Variants in SLC7A6 observed in about 807,000 individuals in gnomAD.
The protein encoded by SLC7A6 is solute carrier family 7 member 6, also known as Y+L amino acid transporter 2.
In SLC7A6, 29 loss-of-function variants were observed where a neutral mutation model predicts 46.6. That is an observed-to-expected ratio of 0.62 (90% CI 0.46 to 0.85). The LOEUF (loss-of-function observed/expected upper bound fraction) is 0.85. Among genes scored for constraint, SLC7A6 ranks in the 40% least tolerant of loss-of-function variants. The pLI, the probability that SLC7A6 is intolerant of heterozygous loss-of-function variation, is 0.00. For missense variants in SLC7A6, 527 were observed against 647.6 expected (o/e 0.81, Z 2.02); for synonymous variants, 276 against 257.3 (o/e 1.07, Z -0.70).
intron 3 of SLC7A6, among the ~76,000 whole-genome samples, chr16:68,285,835 C>T (rs1434711056): frequency 6.6e-6 from 1 of 152,036 alleles, no homozygotes; most frequent in East Asian, 1.9e-4. Context: ...TGGCTCATGC[C>T]TGTAATCCTA....
intron 2 of SLC7A6, among the ~76,000 whole-genome samples, chr16:68,269,457 A>G (rs1234239510): frequency 6.6e-6 from 1 of 152,156 alleles, no homozygotes; most frequent in Non-Finnish European, 1.5e-5. Flanking sequence ...GTCAGGAGAC[A>G]GTAGTGTTTG....
chr16:68,296,918 T>C, intron 10 of SLC7A6, 108 bp downstream of exon 10: 2 of 1,180,552 alleles, frequency 1.7e-6, no homozygotes, highest in Non-Finnish European at 2.4e-6. Context: ...CTGGAGGCCA[T>C]GTGACCCAGC....
intron 3 of SLC7A6, 143 bp from the exon 4 acceptor site, chr16:68,287,603 T>C: frequency 1.3e-6 from 2 of 1,507,966 alleles, no homozygotes; most frequent in Non-Finnish European, 8.9e-7. Context: ...GTCCCCTCGC[T>C]TGCCAGTTCG....
At position 68,299,973 on chromosome 16, in the gene SLC7A6, TGAA is replaced by T. The variant is rs2043240612; in HGVS notation, c.*2647_*2649del. 6.6e-6 allele frequency: 1 copy of T among 152,130 alleles called. No homozygotes were observed. Among genetic ancestry groups the T allele is most frequent in the African/African-American group, 2.4e-5 (1 of 41,404 alleles). The allele number at this position is 152,130 out of a possible 1,614,324, so 9.4% of individuals were successfully genotyped here. A position where few individuals can be genotyped will look rare whatever the true frequency, so the allele number is the denominator to read the frequency against. Reference sequence around the variant, plus strand: ...AGTCAAAGAATGATGGCAGGTAGGATGAAGGAGAGATACTTAGGAAATCCTAAA... The same window carrying T: ...AGTCAAAGAATGATGGCAGGTAGGATGGAGAGATACTTAGGAAATCCTAAA... On this transcript the variant is annotated 3_prime_UTR_variant, in exon 11 of 11. Coordinates refer to ENST00000219343, the MANE Select transcript of SLC7A6 (RefSeq NM_003983.6).
At chr16:68,277,094 C>T (rs1388393920) in intron 3 of SLC7A6, among the ~76,000 whole-genome samples, 1 of 148,044 alleles carries the variant, frequency 6.8e-6, no homozygotes, top group African/African-American at 2.5e-5. Context: ...AAGAAGAGTA[C>T]TTTTTTTTTT....
rs1018479530 is a variant in SLC7A6, at chr16:68,278,809, C to G, written c.523+3560C>G. Among the ~76,000 whole-genome samples the G allele has an allele frequency of 3.9e-5, 6 of 152,198 alleles. 1 individual carries two copies. The highest frequency in any genetic ancestry group is 8.8e-5 in the Non-Finnish European group (6 of 68,026). On this transcript the variant is annotated intron_variant, in intron 3 of 10. Transcript: ENST00000219343. Reference sequence around the variant, plus strand: ...ACCGCCATCGTCATCATGGCCCGCTCTCAATGAGCTGTTGGGTACACCTCC... The same window carrying G: ...ACCGCCATCGTCATCATGGCCCGCTGTCAATGAGCTGTTGGGTACACCTCC...
At position 68,264,775 on chromosome 16, in the gene SLC7A6, C is replaced by G. The variant is rs1317723981; in HGVS notation, c.-166+199C>G. 1 of 152,432 alleles carries G rather than the reference C, an allele frequency of 6.6e-6. No homozygotes were observed. The highest frequency in any genetic ancestry group is 1.5e-5 in the Non-Finnish European group (1 of 68,206). 9.4% of individuals were successfully genotyped at this position (152,432 alleles called of 1,614,324 possible). A position where few individuals can be genotyped will look rare whatever the true frequency, so the allele number is the denominator to read the frequency against. ...GGGCGCCACGAGGAGAGAGGGACCTCGAGCGTGAGGGCCGAGTGTGGGAGA... is the reference window on the plus strand; with the variant it reads ...GGGCGCCACGAGGAGAGAGGGACCTGGAGCGTGAGGGCCGAGTGTGGGAGA... On this transcript the variant is annotated intron_variant, in intron 1 of 10. Transcript: ENST00000219343. The surrounding 1 kb of genome is among the most constrained non-coding windows in gnomAD (Gnocchi z 5.8).
intron 9 of SLC7A6, 46 bp downstream of exon 9, chr16:68,296,559 GGT>G (rs779206039): frequency 1.2e-6 from 2 of 1,613,750 alleles, no homozygotes; most frequent in Middle Eastern, 3.3e-4. Context: ...ATCTCCCTAA[GGT>G]GGCTTCTTGC....
chr16:68,289,010 G>A lies in SLC7A6; in HGVS notation c.649+1139G>A, dbSNP rs1019227277. ...AAGAATTGCCCTTGTTGGGCTGGGC[G>A]CGGTGGCTCATGCCTGTAATCTCAG... On this transcript the variant is annotated intron_variant, in intron 4 of 10. Coordinates refer to ENST00000219343, the MANE Select transcript of SLC7A6 (RefSeq NM_003983.6). Among the ~76,000 whole-genome samples the A allele has an allele frequency of 5.4e-4, 81 of 150,464 alleles. 1 individual carries two copies. The highest frequency in any genetic ancestry group is 1.8e-3 in the African/African-American group (75 of 40,916).
At chr16:68,277,399 T>C (rs1305820302) in intron 3 of SLC7A6, among the ~76,000 whole-genome samples, 2 of 149,104 alleles carry the variant, frequency 1.3e-5, no homozygotes, top group Non-Finnish European at 3.0e-5. Context: ...AGTGGCGCTA[T>C]CTCGACTCAC....
intron 3 of SLC7A6, among the ~76,000 whole-genome samples, chr16:68,283,309 T>C (rs1198226843): frequency 6.6e-6 from 1 of 152,242 alleles, no homozygotes; most frequent in African/African-American, 2.4e-5. Flanking sequence ...TTATTCCTTC[T>C]GTCTTCCTGC....
At chr16:68,283,426 C>A (rs1343063665) in intron 3 of SLC7A6, among the ~76,000 whole-genome samples, 1 of 152,200 alleles carries the variant, frequency 6.6e-6, no homozygotes, top group Non-Finnish European at 1.5e-5. Flanking sequence ...CTGCCTCCCC[C>A]ATTTAAAGAC....
intron 3 of SLC7A6, among the ~76,000 whole-genome samples, chr16:68,286,362 T>C (rs1256728162): frequency 1.3e-5 from 2 of 152,072 alleles, no homozygotes; most frequent in Non-Finnish European, 2.9e-5. Flanking sequence ...GGGGCTGAAC[T>C]AGACCTTGAC....
At chr16:68,291,905 GTTATGTGTTGATAGCTCATAT>G (rs1366800539) in intron 7 of SLC7A6, 17 of 487,040 alleles carry the variant, frequency 3.5e-5, no homozygotes, top group Non-Finnish European at 5.9e-5. Flanking sequence ...GATAGCTCAT[GTTATGTGTTGATAGCTCATAT>G]TTATGTGCTG....
At chr16:68,286,310 G>C (rs1596994450) in intron 3 of SLC7A6, among the ~76,000 whole-genome samples, 1 of 152,124 alleles carries the variant, frequency 6.6e-6, no homozygotes, top group East Asian at 1.9e-4. Flanking sequence ...AGAGGGGTGG[G>C]GTGGTGTATT....
Position 68,274,480 on chromosome 16 carries a change from G to A in SLC7A6, c.-36-211G>A, listed in dbSNP as rs139309993. On this transcript the variant is annotated intron_variant, in intron 2 of 10. Coordinates refer to ENST00000219343, the MANE Select transcript of SLC7A6 (RefSeq NM_003983.6). Reference sequence around the variant, plus strand: ...ATCAGAAGTCATTATCACATCATGCGTGAGCTCTCATGGTGTCTTTCTTGG... The same window carrying A: ...ATCAGAAGTCATTATCACATCATGCATGAGCTCTCATGGTGTCTTTCTTGG... Among the ~76,000 whole-genome samples, 18 of 152,298 alleles carry A rather than the reference G, an allele frequency of 1.2e-4. No individual in the cohort carries two copies. In the East Asian group the frequency reaches 2.5e-3, roughly 21 times the overall value.
At position 68,299,728 on chromosome 16, in the gene SLC7A6, C is replaced by T. The variant is rs990409719; in HGVS notation, c.*2400C>T. 1 of 152,132 alleles carries T rather than the reference C, an allele frequency of 6.6e-6. No individual in the cohort carries two copies. Among genetic ancestry groups the T allele is most frequent in the African/African-American group, 2.4e-5 (1 of 41,434 alleles). 9.4% of individuals were successfully genotyped at this position (152,132 alleles called of 1,614,324 possible). Reference sequence around the variant, plus strand: ...GAGAATGGCTTTCAATCCTTTGTTTCTATGCCTACAGACAGAAAGCAAGAT... The same window carrying T: ...GAGAATGGCTTTCAATCCTTTGTTTTTATGCCTACAGACAGAAAGCAAGAT... On this transcript the variant is annotated 3_prime_UTR_variant, in exon 11 of 11. Coordinates refer to ENST00000219343, the MANE Select transcript of SLC7A6 (RefSeq NM_003983.6).
intron 4 of SLC7A6, among the ~76,000 whole-genome samples, chr16:68,289,131 A>G (rs1420516403): frequency 2.0e-5 from 3 of 151,674 alleles, no homozygotes; most frequent in Non-Finnish European, 4.4e-5. Flanking sequence ...GTCTCTACTA[A>G]AAATACAAAA....
Position 68,300,285 on chromosome 16 carries a change from G to A in SLC7A6, c.*2957G>A, listed in dbSNP as rs1350203975. On this transcript the variant is annotated 3_prime_UTR_variant, in exon 11 of 11. Transcript: ENST00000219343. ...TGCAGACACAGAACATATCATCACT[G>A]CAGATAGTTCTACTGGACAATGTTA... is the stretch of plus-strand genomic sequence containing the variant. 6.6e-6 allele frequency: 1 copy of A among 152,238 alleles called. No homozygotes were observed. Among genetic ancestry groups the A allele is most frequent in the African/African-American group, 2.4e-5 (1 of 41,458 alleles). The allele number at this position is 152,238 out of a possible 1,614,324, so 9.4% of individuals were successfully genotyped here. A position where few individuals can be genotyped will look rare whatever the true frequency, so the allele number is the denominator to read the frequency against.
Sources: gnomAD v4.1 joint callset for allele counts (sites outside exome capture counted in the v4.1 genomes callset) on GRCh38, gnomAD v4.1.1 for gene constraint, Gnocchi (gnomAD v3.1) non-coding constraint, MANE v1.5 for transcripts, NCBI Gene and HGNC (gene_info 2026-07-23, HGNC 2026-07-21) for gene names.